Variants in GLIS3 observed in about 807,000 individuals in gnomAD.
The protein encoded by GLIS3 is GLIS family zinc finger 3.
Under a neutral mutation model 78.6 loss-of-function variants are expected in GLIS3, and 53 were observed. The ratio of observed to expected loss-of-function variants is 0.67; its 90% CI spans 0.54 to 0.85. The LOEUF is 0.85. GLIS3 is among the 40% of genes least tolerant of loss of function. The pLI is 0.00. For synonymous variants in GLIS3, 684 were observed against 509.9 expected (o/e 1.34, Z -4.60); for missense variants, 1,703 against 1,231.1 (o/e 1.38, Z -5.74).
chr9:3,844,998 A>T (rs1040244675), intron 9 of GLIS3, among the ~76,000 whole-genome samples: 4 of 152,184 alleles, frequency 2.6e-5, no homozygotes, highest in Non-Finnish European at 5.9e-5. Context: ...CAACTTTAAA[A>T]TGTGCAACTC....
intron 2 of GLIS3, among the ~76,000 whole-genome samples, chr9:4,178,813 C>T (rs910077187): frequency 1.3e-5 from 2 of 152,030 alleles, no homozygotes; most frequent in Non-Finnish European, 2.9e-5. Flanking sequence ...AAATATTTCA[C>T]AAAAATCACT....
intron 2 of GLIS3, among the ~76,000 whole-genome samples, chr9:4,237,454 G>GT (rs1442565029): frequency 6.6e-6 from 1 of 152,206 alleles, no homozygotes; most frequent in Non-Finnish European, 1.5e-5. Context: ...AAAAGTAGTA[G>GT]TTTTACATGA....
chr9:4,189,942 G>A (rs1394795379), intron 2 of GLIS3, among the ~76,000 whole-genome samples: 1 of 151,972 alleles, frequency 6.6e-6, no homozygotes. Flanking sequence ...TGGACCTCTA[G>A]CAAACTCCAA....
At chr9:3,956,032 A>C (rs1328378916) in intron 4 of GLIS3, among the ~76,000 whole-genome samples, 1 of 149,234 alleles carries the variant, frequency 6.7e-6, no homozygotes. Flanking sequence ...ATTCAGCAAA[A>C]AAAAAAAAAA....
At chr9:4,090,466 A>C (rs12684868) in intron 4 of GLIS3, among the ~76,000 whole-genome samples, 58,351 of 151,636 alleles carry the variant, frequency 0.38, 11,588 homozygotes, top group South Asian at 0.5. Context: ...AAAAAAAAAA[A>C]AAATTAATGA....
At chr9:3,857,164 C>A (rs1430195182) in intron 8 of GLIS3, among the ~76,000 whole-genome samples, 1 of 152,170 alleles carries the variant, frequency 6.6e-6, no homozygotes, top group Non-Finnish European at 1.5e-5. Flanking sequence ...TCTGTCAATG[C>A]AGTAAAATGA....
the GLIS3 span, among the ~76,000 whole-genome samples, chr9:4,470,959 T>C: frequency 1.3e-4 from 19 of 151,666 alleles, no homozygotes; most frequent in Admixed American, 1.1e-3. Context: ...TATACACCAA[T>C]AACAGACAAA....
At chr9:4,146,771 T>C (rs1006109803) in intron 2 of GLIS3, among the ~76,000 whole-genome samples, 1 of 152,200 alleles carries the variant, frequency 6.6e-6, no homozygotes, top group African/African-American at 2.4e-5. Flanking sequence ...ATGCAAGAAT[T>C]AGCCTACTAA....
intron 4 of GLIS3, among the ~76,000 whole-genome samples, chr9:3,952,354 C>A (rs554736695): frequency 6.6e-6 from 1 of 152,130 alleles, no homozygotes; most frequent in African/African-American, 2.4e-5. Flanking sequence ...CAGAAGCCCC[C>A]CCAGAGGCAC....
intron 2 of GLIS3, among the ~76,000 whole-genome samples, chr9:4,189,111 C>T (rs1361043036): frequency 6.6e-6 from 1 of 151,130 alleles, no homozygotes; most frequent in Non-Finnish European, 1.5e-5. Context: ...TTAGATCTTT[C>T]CTGCTTTCTC....
intron 2 of GLIS3, among the ~76,000 whole-genome samples, chr9:4,187,459 G>C (rs1298183115): frequency 2.0e-5 from 3 of 152,108 alleles, no homozygotes; most frequent in Non-Finnish European, 2.9e-5. Context: ...TTTTGGCTTA[G>C]GATTGACTTG....
At chr9:4,033,713 C>A (rs947039742) in intron 4 of GLIS3, among the ~76,000 whole-genome samples, 1 of 151,960 alleles carries the variant, frequency 6.6e-6, no homozygotes, top group Non-Finnish European at 1.5e-5. Flanking sequence ...AAAACAGGGA[C>A]CTATTTTGTC....
chr9:4,037,973 A>G (rs1323108198), intron 4 of GLIS3, among the ~76,000 whole-genome samples: 1 of 152,034 alleles, frequency 6.6e-6, no homozygotes, highest in African/African-American at 2.4e-5. Context: ...AAATCACTTC[A>G]TTGGATAAAA....
At chr9:4,187,025 T>A (rs1817865260) in intron 2 of GLIS3, among the ~76,000 whole-genome samples, 1 of 152,222 alleles carries the variant, frequency 6.6e-6, no homozygotes, top group East Asian at 1.9e-4. Flanking sequence ...CAATTCTGGC[T>A]TTTGTTGCCA....
At chr9:4,166,318 A>C (rs566323188) in intron 2 of GLIS3, among the ~76,000 whole-genome samples, 2 of 152,204 alleles carry the variant, frequency 1.3e-5, no homozygotes, top group Admixed American at 6.5e-5. Flanking sequence ...ACTTTGATAC[A>C]GTGAAGGGTG....
At chr9:3,861,699 A>C (rs2130299739) in intron 8 of GLIS3, among the ~76,000 whole-genome samples, 1 of 152,286 alleles carries the variant, frequency 6.6e-6, no homozygotes, top group South Asian at 2.1e-4. Flanking sequence ...AAAACCAAAC[A>C]CTGAATGTTC....
chr9:4,362,842 G>C, the GLIS3 span, among the ~76,000 whole-genome samples: 3 of 152,252 alleles, frequency 2.0e-5, no homozygotes, highest in East Asian at 5.8e-4. Context: ...GAGAACAATG[G>C]GGGAGGCATT....
At chr9:4,195,219 C>G (rs1818702482) in intron 2 of GLIS3, among the ~76,000 whole-genome samples, 1 of 152,220 alleles carries the variant, frequency 6.6e-6, no homozygotes, top group African/African-American at 2.4e-5. Flanking sequence ...GCCCTTCAGC[C>G]CACCACTGCA....
At chr9:4,445,266 G>T in the GLIS3 span, among the ~76,000 whole-genome samples, 1 of 152,180 alleles carries the variant, frequency 6.6e-6, no homozygotes, top group Non-Finnish European at 1.5e-5. Context: ...AAGTGCTGTA[G>T]CATTTTTCAT....
Sources: allele counts gnomAD v4.1 joint callset (sites outside exome capture counted in the v4.1 genomes callset), GRCh38; gene constraint gnomAD v4.1.1; transcripts MANE v1.5; gene names NCBI Gene and HGNC (gene_info 2026-07-23, HGNC 2026-07-21).